The following ZBTB41 variants were observed in gnomAD, a reference collection of about 807,000 sequenced individuals.
ZBTB41 encodes the protein zinc finger and BTB domain-containing protein 41.
ZBTB41 carries 42 observed loss-of-function variants against 87.6 expected under a neutral mutation model. The ratio of observed to expected loss-of-function variants is 0.48; its 90% confidence interval spans 0.37 to 0.62. ZBTB41 has a LOEUF of 0.62. ZBTB41 is among the 20% of genes least tolerant of loss of function. The pLI is 0.00. For synonymous variants in ZBTB41, 364 were observed against 364.0 expected (o/e 1.00, Z 0.00); for missense variants, 799 against 1,078.9 (o/e 0.74, Z 3.63).
At chr1:197,197,832 T>A (rs1387909898) in intron 2 of ZBTB41, among the ~76,000 whole-genome samples, 1 of 152,204 alleles carries the variant, frequency 6.6e-6, no homozygotes, top group Non-Finnish European at 1.5e-5. Context: ...TAGTTCCCAA[T>A]CTTACTTGAA....
chr1:197,191,893 T>A lies in ZBTB41; in HGVS notation c.1127A>T (p.Tyr376Phe). ...CDKTFDRIGK[Y>F]ESHTRVHTGE... ...TGTGTGAACACGGGTGTGGCTCTCATATTTTCCTATAAAAAAAGAAAAATT... is the reference window on the plus strand; with the variant it reads ...TGTGTGAACACGGGTGTGGCTCTCAAATTTTCCTATAAAAAAAGAAAAATT... The change falls in exon 3 of 11, where the codon TAT becomes TTT. Residue 376 changes from tyrosine (Y) to phenylalanine (F), a missense_variant. Tyr to Phe is a conservative substitution (Grantham distance 22). Around this residue, in one of 5 missense-constraint regions of ZBTB41, gnomAD observed 294 missense variants for 340.1 expected, o/e 0.86. Coordinates refer to ENST00000367405, the MANE Select transcript of ZBTB41 (RefSeq NM_194314.3). 2 of 1,583,698 alleles carry A rather than the reference T, an allele frequency of 1.3e-6. No individual in the cohort carries two copies. Among genetic ancestry groups the A allele is most frequent in the Non-Finnish European group, 1.7e-6 (2 of 1,168,916 alleles).
At chr1:197,172,111 A>ATC (rs761469729) in intron 10 of ZBTB41, 49 bp downstream of exon 10, 29 of 680,694 alleles carry the variant, frequency 4.3e-5, no homozygotes, top group African/African-American at 1.5e-4. Context: ...TACACTATAT[A>ATC]TATCTCTCTC....
chr1:197,170,476 C>A (rs983994130), intron 10 of ZBTB41, among the ~76,000 whole-genome samples: 42 of 152,114 alleles, frequency 2.8e-4, no homozygotes, highest in African/African-American at 1.0e-3. Flanking sequence ...ACATTAATAT[C>A]TCATTTTCTA....
intron 1 of ZBTB41, among the ~76,000 whole-genome samples, chr1:197,200,883 G>T (rs1383932161): frequency 6.6e-6 from 1 of 152,194 alleles, no homozygotes; most frequent in Admixed American, 6.5e-5. Context: ...GATCGTTGAC[G>T]GTGCGGGTTG....
intron 5 of ZBTB41, among the ~76,000 whole-genome samples, chr1:197,184,579 A>T (rs1001017759): frequency 6.6e-6 from 1 of 152,180 alleles, no homozygotes; most frequent in Non-Finnish European, 1.5e-5. Context: ...TCAAAATCAG[A>T]CTATTATTTC....
At position 197,200,557 on chromosome 1, in the gene ZBTB41, G is replaced by T; in HGVS notation, c.-84C>A. 7.4e-6 allele frequency: 10 copies of T among 1,353,144 alleles called. No homozygotes were observed. In the South Asian group the frequency reaches 1.4e-4, roughly 19 times the overall value. The allele number at this position is 1,353,144 out of a possible 1,614,324, so 83.8% of individuals were successfully genotyped here. On this transcript the variant is annotated 5_prime_UTR_variant, in exon 2 of 11. The change creates a new upstream start codon in the 5' untranslated region. Transcript: ENST00000367405. ...GAAAACTAGATTGTCTTGGATAACA[G>T]CTTCTGAAGGGGCGTGCCCAAGGGT...
At chr1:197,183,842 C>T (rs886657144) in intron 5 of ZBTB41, among the ~76,000 whole-genome samples, 1 of 152,174 alleles carries the variant, frequency 6.6e-6, no homozygotes, top group African/African-American at 2.4e-5. Flanking sequence ...AGAAGAATCT[C>T]TTAACAAGTC....
chr1:197,176,171 T>A (rs1227269844), intron 8 of ZBTB41, among the ~76,000 whole-genome samples: 1 of 152,120 alleles, frequency 6.6e-6, no homozygotes, highest in East Asian at 1.9e-4. Context: ...ATCATTTCCC[T>A]TTTAATATGT....
intron 7 of ZBTB41, among the ~76,000 whole-genome samples, chr1:197,177,245 T>A (rs1659629991): frequency 6.6e-6 from 1 of 152,134 alleles, no homozygotes; most frequent in African/African-American, 2.4e-5. Flanking sequence ...TAACAGTCAG[T>A]GAGTTCTCAC....
chr1:197,162,380 T>C (rs1000846137), intron 10 of ZBTB41, among the ~76,000 whole-genome samples: 8 of 152,050 alleles, frequency 5.3e-5, no homozygotes, highest in Non-Finnish European at 1.5e-5. Context: ...ATCAGAGACA[T>C]AAGGCAACCA....
At chr1:197,187,695 C>T (rs1659919856) in intron 5 of ZBTB41, among the ~76,000 whole-genome samples, 1 of 151,838 alleles carries the variant, frequency 6.6e-6, no homozygotes, top group Admixed American at 6.6e-5. Context: ...TAGCACTATA[C>T]TAAGTGGAAG....
chr1:197,197,227 A>T (rs770444460), intron 2 of ZBTB41, among the ~76,000 whole-genome samples: 1 of 152,110 alleles, frequency 6.6e-6, no homozygotes, highest in African/African-American at 2.4e-5. Context: ...AAACACAGAC[A>T]GGTTAAGTAA....
chr1:197,199,434 C>G lies in ZBTB41; in HGVS notation c.1040G>C (p.Gly347Ala). 6.2e-7 allele frequency: 1 copy of G among 1,610,700 alleles called. No individual in the cohort carries two copies. Residue 347 changes from glycine to alanine, a missense_variant, in exon 2 of 11, where the codon GGG becomes GCG. Gly to Ala is a moderately conservative substitution (Grantham distance 60). Around this residue, in one of 5 missense-constraint regions of ZBTB41, gnomAD observed 294 missense variants for 340.1 expected, o/e 0.86. Coordinates refer to ENST00000367405, the MANE Select transcript of ZBTB41 (RefSeq NM_194314.3). Reference sequence around the variant, plus strand: ...GTTCTGAATGACCACTGGAGTTAACCCCTCATGAACATTTCCTACAGAATC... The same window carrying G: ...GTTCTGAATGACCACTGGAGTTAACGCCTCATGAACATTTCCTACAGAATC... ...AGDSVGNVHE[G>A]LTPVVIQNSN...
intron 5 of ZBTB41, among the ~76,000 whole-genome samples, chr1:197,185,536 A>G (rs999370662): frequency 1.3e-5 from 2 of 151,960 alleles, no homozygotes; most frequent in Admixed American, 6.6e-5. Flanking sequence ...TCACAAACCT[A>G]TGCAACATCA....
chr1:197,196,377 T>C (rs1660162578), intron 2 of ZBTB41, among the ~76,000 whole-genome samples: 1 of 152,190 alleles, frequency 6.6e-6, no homozygotes, highest in African/African-American at 2.4e-5. Flanking sequence ...CCAGTCTACT[T>C]AGTCTACATT....
Position 197,159,207 on chromosome 1 carries a change from AAC to A in ZBTB41, c.*150_*151del. The A allele has an allele frequency of 1.4e-6, 1 of 719,582 alleles. No individual in the cohort carries two copies. Among genetic ancestry groups the A allele is most frequent in the East Asian group, 2.7e-5 (1 of 36,916 alleles). The allele number at this position is 719,582 out of a possible 1,614,324, so 44.6% of individuals were successfully genotyped here. On this transcript the variant is annotated 3_prime_UTR_variant, in exon 11 of 11. Transcript: ENST00000367405. ...TTTGTCCAAATATTCATGTTCAGTAAACAGAGACACATAGTTTTCTTGATTTG... is the reference window on the plus strand; with the variant it reads ...TTTGTCCAAATATTCATGTTCAGTAAAGAGACACATAGTTTTCTTGATTTG...
Position 197,190,834 on chromosome 1 carries a change from A to G in ZBTB41, c.1329-3T>C. 6.4e-7 allele frequency: 1 copy of G among 1,559,450 alleles called. No homozygotes were observed. The highest frequency in any genetic ancestry group is 8.8e-7 in the Non-Finnish European group (1 of 1,141,850). On this transcript the variant is annotated splice_region_variant and splice_polypyrimidine_tract_variant and intron_variant, in intron 3 of 10. Coordinates refer to ENST00000367405, the MANE Select transcript of ZBTB41 (RefSeq NM_194314.3). Reference sequence around the variant, plus strand: ...CTTGTGCATTTTCAGGATGAAATCTATCAGAGGAAAAGAAAAAGATTATTA... The same window carrying G: ...CTTGTGCATTTTCAGGATGAAATCTGTCAGAGGAAAAGAAAAAGATTATTA...
Position 197,175,022 on chromosome 1 carries a change from T to C in ZBTB41, c.1973A>G (p.Lys658Arg), listed in dbSNP as rs1427992728. The C allele has an allele frequency of 6.2e-7, 1 of 1,607,594 alleles. No individual in the cohort carries two copies. Among genetic ancestry groups the C allele is most frequent in the Non-Finnish European group, 8.5e-7 (1 of 1,176,804 alleles). ...CTTTTTCACTTACTTTTGCCACACTTTCTCTCCAAGGTGTACGCTTTTGTA... is the reference window on the plus strand; with the variant it reads ...CTTTTTCACTTACTTTTGCCACACTCTCTCTCCAAGGTGTACGCTTTTGTA... The part of the protein sequence containing the change: ...VHYKSVHLGE[K>R]VWQKYKATFH... The change falls in exon 9 of 11, where the codon AAA becomes AGA. Residue 658 changes from lysine (K) to arginine (R), a missense_variant. By Grantham distance (26) the Lys-to-Arg change is conservative (BLOSUM62 2). Coordinates refer to ENST00000367405, the MANE Select transcript of ZBTB41 (RefSeq NM_194314.3).
In ZBTB41 at chr1:197,153,782, T is replaced by C. The variant is rs1658998855; in HGVS notation, c.*5577A>G. On this transcript the variant is annotated 3_prime_UTR_variant, in exon 11 of 11. Transcript: ENST00000367405. ...CCTACTCTTCACAGAGAACTGAAATTTTCTATAAAGACATTTATACTTAGG... is the reference window on the plus strand; with the variant it reads ...CCTACTCTTCACAGAGAACTGAAATCTTCTATAAAGACATTTATACTTAGG... The C allele has an allele frequency of 6.6e-6, 1 of 152,144 alleles. No homozygotes were observed. The highest frequency in any genetic ancestry group is 2.1e-4 in the South Asian group (1 of 4,826). 9.4% of individuals were successfully genotyped at this position (152,144 alleles called of 1,614,324 possible). A position where few individuals can be genotyped will look rare whatever the true frequency, so the allele number is the denominator to read the frequency against.
Sources: gnomAD v4.1 joint callset for allele counts (sites outside exome capture counted in the v4.1 genomes callset) on GRCh38, gnomAD v4.1.1 for gene constraint, gnomAD v4.1.1 regional missense constraint, MANE v1.5 for transcripts, NCBI Gene and HGNC (gene_info 2026-07-23, HGNC 2026-07-21) for gene names.